C18orf63: variants seen among roughly 807,000 people sequenced by gnomAD.
C18orf63 encodes the protein chromosome 18 open reading frame 63, also known as uncharacterized protein C18orf63.
C18orf63 carries 50 observed loss-of-function variants against 75.3 expected under a neutral mutation model. That is an observed-to-expected ratio of 0.66 (90% CI 0.53 to 0.84). The LOEUF (loss-of-function observed/expected upper bound fraction) is 0.84. Among genes scored for constraint, C18orf63 ranks in the 40% least tolerant of loss-of-function variants. C18orf63 has a pLI of 0.00. For synonymous variants in C18orf63, 232 were observed against 267.6 expected (o/e 0.87, Z 1.30); for missense variants, 732 against 800.2 (o/e 0.91, Z 1.03).
Position 74,330,919 on chromosome 18 carries a change from A to C in C18orf63, c.478A>C (p.Thr160Pro). The change falls in exon 7 of 14, where the codon ACA becomes CCA. Residue 160 changes from threonine to proline, a missense_variant. Around this residue, in one of 3 missense-constraint regions of C18orf63, gnomAD observed 233 missense variants for 272.7 expected, o/e 0.85. Transcript: ENST00000579455. ...TQVCLSIEAC[T>P]IRLPAPELKE... ...AGTTTGTCTAAGTATAGAAGCTTGC[A>C]CAATCAGACTGCCAGCACCTGAGGT... The C allele has an allele frequency of 6.8e-7, 1 of 1,472,882 alleles. No individual in the cohort carries two copies. Among genetic ancestry groups the C allele is most frequent in the Non-Finnish European group, 9.0e-7 (1 of 1,106,212 alleles). The allele number at this position is 1,472,882 out of a possible 1,614,324, so 91.2% of individuals were successfully genotyped here. A position where few individuals can be genotyped will look rare whatever the true frequency, so the allele number is the denominator to read the frequency against.
chr18:74,352,557 G>A (rs1475444126), intron 11 of C18orf63, among the ~76,000 whole-genome samples: 1 of 152,126 alleles, frequency 6.6e-6, no homozygotes, highest in Non-Finnish European at 1.5e-5. Context: ...CAGTGAAAAA[G>A]TAAACATGAT....
chr18:74,332,475 T>A (rs1984324643), intron 7 of C18orf63, among the ~76,000 whole-genome samples: 1 of 152,010 alleles, frequency 6.6e-6, no homozygotes. Context: ...GAGGCCGAAG[T>A]GGGTGGATCA....
In C18orf63 at chr18:74,343,654, A is replaced by G. The variant is rs1395158166; in HGVS notation, c.930A>G (p.Thr310=). The part of the protein sequence containing the change: ...PHICGFPIKM[T]SKPCYYTQEL... ...TATGTGGATTTCCCATAAAGATGAC[A>G]AGTAAACCATGCTACTACACACAAG... The change falls in exon 11 of 14, where the codon ACA becomes ACG. Residue 310 remains threonine (T), a synonymous_variant. Transcript: ENST00000579455. 6.5e-7 allele frequency: 1 copy of G among 1,534,270 alleles called. No individual in the cohort carries two copies. The highest frequency in any genetic ancestry group is 8.7e-7 in the Non-Finnish European group (1 of 1,145,846).
intron 8 of C18orf63, among the ~76,000 whole-genome samples, chr18:74,340,829 T>C (rs1984468034): frequency 6.6e-6 from 1 of 151,902 alleles, no homozygotes; most frequent in South Asian, 2.1e-4. Context: ...GAGAGTAGAA[T>C]AGTGCTTACC....
intron 7 of C18orf63, among the ~76,000 whole-genome samples, chr18:74,336,296 T>A (rs1163915146): frequency 1.3e-5 from 2 of 152,052 alleles, no homozygotes; most frequent in Non-Finnish European, 2.9e-5. Flanking sequence ...ACCTAATATA[T>A]GTTAAATAAA....
chr18:74,347,720 AAAAT>A (rs1048845442), intron 11 of C18orf63, among the ~76,000 whole-genome samples: 1 of 152,218 alleles, frequency 6.6e-6, no homozygotes, highest in African/African-American at 2.4e-5. Context: ...TAAAAAATGG[AAAAT>A]AAATTGATCA....
chr18:74,320,406 A>G (rs1003842967), intron 2 of C18orf63, 107 bp from the exon 3 acceptor site: 99 of 691,628 alleles, frequency 1.4e-4, no homozygotes, highest in Middle Eastern at 7.3e-4. Context: ...ATCACTTCCC[A>G]CCAGGTCCCT....
intron 11 of C18orf63, among the ~76,000 whole-genome samples, chr18:74,348,683 C>T (rs1984614738): frequency 6.6e-6 from 1 of 152,100 alleles, no homozygotes; most frequent in African/African-American, 2.4e-5. Context: ...TATAATAAAG[C>T]ATATTTTTTT....
chr18:74,332,490 G>A (rs574377614), intron 7 of C18orf63, among the ~76,000 whole-genome samples: 1 of 152,244 alleles, frequency 6.6e-6, no homozygotes, highest in African/African-American at 2.4e-5. Flanking sequence ...GGATCACGAG[G>A]TTAGGAGTAT....
intron 3 of C18orf63, among the ~76,000 whole-genome samples, chr18:74,321,429 C>T (rs529517696): frequency 3.9e-5 from 6 of 152,132 alleles, no homozygotes; most frequent in Admixed American, 2.0e-4. Flanking sequence ...ATCAGCCTCT[C>T]GAGTAGCTAG....
intron 7 of C18orf63, among the ~76,000 whole-genome samples, chr18:74,331,725 C>A (rs1984310484): frequency 6.6e-6 from 1 of 152,162 alleles, no homozygotes; most frequent in African/African-American, 2.4e-5. Context: ...GGTTGAGAAA[C>A]CCCAGGCATA....
chr18:74,350,057 A>G lies in C18orf63; in HGVS notation c.979-3189A>G, dbSNP rs371120058. On this transcript the variant is annotated intron_variant, in intron 11 of 13. Transcript: ENST00000579455. Reference sequence around the variant, plus strand: ...CCATCCTATCCATTGCAGTCACAGCATAGAGATTGGCTGTGGGGTGTGGGG... The same window carrying G: ...CCATCCTATCCATTGCAGTCACAGCGTAGAGATTGGCTGTGGGGTGTGGGG... Among the ~76,000 whole-genome samples the G allele has an allele frequency of 2.0e-4, 30 of 152,300 alleles. No individual in the cohort carries two copies. In the East Asian group the frequency reaches 4.3e-3, roughly 22 times the overall value.
chr18:74,343,846 G>T, intron 11 of C18orf63, 144 bp downstream of exon 11: 1 of 431,200 alleles, frequency 2.3e-6, no homozygotes, highest in Non-Finnish European at 4.0e-6. Flanking sequence ...AAAACTATTT[G>T]TTATTATTAT....
chr18:74,336,106 T>A (rs1984387193), intron 7 of C18orf63, among the ~76,000 whole-genome samples: 1 of 152,074 alleles, frequency 6.6e-6, no homozygotes, highest in African/African-American at 2.4e-5. Context: ...ATTTTATAAA[T>A]AAGTAAATTA....
chr18:74,327,212 C>T (rs1984223551), intron 4 of C18orf63, among the ~76,000 whole-genome samples: 1 of 152,126 alleles, frequency 6.6e-6, no homozygotes, highest in African/African-American at 2.4e-5. Context: ...AAGGAACTCC[C>T]CAAACCTTTA....
chr18:74,355,658 G>A (rs757817470), intron 13 of C18orf63, among the ~76,000 whole-genome samples: 16 of 151,848 alleles, frequency 1.1e-4, no homozygotes, highest in Non-Finnish European at 2.2e-4. Context: ...GGTGGCTCAC[G>A]CCTGTAATTC....
At chr18:74,345,704 G>A (rs1984562896) in intron 11 of C18orf63, among the ~76,000 whole-genome samples, 1 of 151,976 alleles carries the variant, frequency 6.6e-6, no homozygotes, top group African/African-American at 2.4e-5. Context: ...TAAATCCAGT[G>A]TCTTTGTGTG....
intron 7 of C18orf63, among the ~76,000 whole-genome samples, chr18:74,332,773 C>A (rs1244415328): frequency 6.6e-6 from 1 of 150,726 alleles, no homozygotes; most frequent in Non-Finnish European, 1.5e-5. Flanking sequence ...GATTAAATTC[C>A]AAAATGAGTT....
chr18:74,340,440 CTA>C (rs1284327060), intron 8 of C18orf63, among the ~76,000 whole-genome samples: 4 of 152,170 alleles, frequency 2.6e-5, no homozygotes, highest in Non-Finnish European at 4.4e-5. Context: ...ATGGAAAACA[CTA>C]TGGAGGTTCC....
Sources: allele counts gnomAD v4.1 joint callset (sites outside exome capture counted in the v4.1 genomes callset), GRCh38; gene constraint gnomAD v4.1.1; regional missense constraint gnomAD v4.1.1; transcripts MANE v1.5; gene names NCBI Gene and HGNC (gene_info 2026-07-23, HGNC 2026-07-21).